The following EP400 variants were observed in gnomAD, a reference collection of about 807,000 sequenced individuals.
EP400 encodes the protein E1A binding protein p400, also known as E1A-binding protein p400.
Under a neutral mutation model 354.1 loss-of-function variants are expected in EP400, and 105 were observed. The ratio of observed to expected loss-of-function variants is 0.30; its 90% CI spans 0.25 to 0.35. The LOEUF (loss-of-function observed/expected upper bound fraction) is 0.35, where lower values mean the gene tolerates loss of function less well. EP400 is among the 10% of genes least tolerant of loss of function. The pLI is 1.00. For synonymous variants in EP400, 1,646 were observed against 1,716.9 expected (o/e 0.96, Z 1.02); for missense variants, 3,280 against 4,121.0 (o/e 0.80, Z 5.59).
At chr12:132,022,976 A>C (rs910487243) in intron 23 of EP400, among the ~76,000 whole-genome samples, 3 of 152,134 alleles carry the variant, frequency 2.0e-5, no homozygotes, top group Non-Finnish European at 2.9e-5. Context: ...GATTTTGAAG[A>C]GTTATGGGTG....
intron 48 of EP400, chr12:132,065,921 C>T (rs1390097377): frequency 6.6e-6 from 1 of 152,154 alleles, no homozygotes; most frequent in Non-Finnish European, 1.5e-5. Flanking sequence ...AATGTGCACG[C>T]TTATTTAACT....
chr12:131,973,956 T>G (rs1299516706), intron 2 of EP400, among the ~76,000 whole-genome samples: 4 of 152,118 alleles, frequency 2.6e-5, no homozygotes, highest in Non-Finnish European at 5.9e-5. Flanking sequence ...ACCCAACTGT[T>G]GTTTCTTACG....
chr12:132,031,897 A>G lies in EP400; in HGVS notation c.5755-56A>G, dbSNP rs1228789236. On this transcript the variant is annotated intron_variant, in intron 29 of 52. Transcript: ENST00000389561. The stretch of plus-strand genomic sequence containing the variant: ...TAATTAATAAATGTTGAAACGTGTC[A>G]AAGGTTTCCCAACATTTTCCAAGAA... 8 of 1,531,144 alleles carry G rather than the reference A, an allele frequency of 5.2e-6. No individual in the cohort carries two copies. The East Asian group carries it at 1.8e-4, about 35-fold the overall frequency. The allele number at this position is 1,531,144 out of a possible 1,614,324, so 94.8% of individuals were successfully genotyped here. A position where few individuals can be genotyped will look rare whatever the true frequency, so the allele number is the denominator to read the frequency against.
Position 131,994,619 on chromosome 12 carries a change from A to G in EP400, c.2738-248A>G, listed in dbSNP as rs995637420. Among the ~76,000 whole-genome samples the G allele has an allele frequency of 1.3e-5, 2 of 152,108 alleles. No homozygotes were observed. The highest frequency in any genetic ancestry group is 2.4e-5 in the African/African-American group (1 of 41,420). The stretch of plus-strand genomic sequence containing the variant: ...GGTAGGAGGGTTGACAGCATTCCGT[A>G]TGTTGGCCTGAAGAAGGTCTGCCAT... On this transcript the variant is annotated intron_variant, in intron 11 of 52. Transcript: ENST00000389561. The surrounding 1 kb of genome is among the most constrained non-coding windows in gnomAD (Gnocchi z 4.6).
chr12:132,048,498 T>C (rs1220543270), intron 39 of EP400, among the ~76,000 whole-genome samples: 1 of 151,268 alleles, frequency 6.6e-6, no homozygotes, highest in African/African-American at 2.4e-5. Flanking sequence ...AAGGCAAAAA[T>C]ATTTGTAAAG....
chr12:132,046,057 G>A (rs762198062), intron 39 of EP400, among the ~76,000 whole-genome samples, 157 bp downstream of exon 39: 1 of 152,228 alleles, frequency 6.6e-6, no homozygotes, highest in Non-Finnish European at 1.5e-5. Context: ...GGTGGACCCA[G>A]CGAGGTCAGG....
At chr12:132,014,330 G>T (rs903599110) in intron 19 of EP400, among the ~76,000 whole-genome samples, 1 of 152,230 alleles carries the variant, frequency 6.6e-6, no homozygotes, top group Non-Finnish European at 1.5e-5. Context: ...TGGTGTCTGT[G>T]GCGCAATGAG....
intron 1 of EP400, among the ~76,000 whole-genome samples, chr12:131,959,263 A>G (rs1004179719): frequency 6.6e-6 from 1 of 152,062 alleles, no homozygotes; most frequent in African/African-American, 2.4e-5. Flanking sequence ...ACAGTGTCCA[A>G]CCTCTCCTCT....
rs1565929073 is a variant in EP400 at position 132,050,494 on chromosome 12, T to G, written c.7337+35T>G. The G allele has an allele frequency of 4.3e-6, 7 of 1,613,750 alleles. No individual in the cohort carries two copies. The highest frequency in any genetic ancestry group is 5.9e-6 in the Non-Finnish European group (7 of 1,179,624). ...CTGAGTGCTCATTTTATGTTCATTA[T>G]GACTGAGTAGATTGCGTGAAGCTTG... is the stretch of plus-strand genomic sequence containing the variant. On this transcript the variant is annotated intron_variant, in intron 40 of 52. Transcript: ENST00000389561. This position sits in a 1 kb window ranked among gnomAD's most constrained non-coding sequence, Gnocchi z 4.8.
In EP400 at chr12:131,987,770, G is replaced by T; in HGVS notation, c.2289G>T (p.Leu763=). 1 of 1,612,392 alleles carries T rather than the reference G, an allele frequency of 6.2e-7. No homozygotes were observed. The highest frequency in any genetic ancestry group is 8.5e-7 in the Non-Finnish European group (1 of 1,179,806). The part of the protein sequence containing the change: ...RKAGLWSQRR[L]PKLQEAPRPK... ...CAGGTCTGTGGTCCCAGAGGCGTCT[G>T]CCAAAGCTGCAGGAGGCCCCACGCC... Residue 763 remains leucine (L), a synonymous_variant, in exon 7 of 53, where the codon CTG becomes CTT. Transcript: ENST00000389561.
intron 2 of EP400, among the ~76,000 whole-genome samples, chr12:131,971,518 A>G (rs542538692): frequency 6.6e-6 from 1 of 152,270 alleles, no homozygotes; most frequent in Non-Finnish European, 1.5e-5. Context: ...TTGCTGGATC[A>G]TATGTTCATT....
chr12:131,981,389 C>A, intron 3 of EP400, 100 bp from the exon 4 acceptor site: 1 of 871,010 alleles, frequency 1.1e-6, no homozygotes, highest in African/African-American at 1.7e-5. Flanking sequence ...TATAGAAAGG[C>A]CTCCCTTTTC....
At position 132,043,699 on chromosome 12, in the gene EP400, A is replaced by G. The variant is rs558068965; in HGVS notation, c.6421A>G (p.Ile2141Val). 8.7e-6 allele frequency: 14 copies of G among 1,611,542 alleles called. No individual in the cohort carries two copies. The East Asian group carries it at 1.1e-4, about 13-fold the overall frequency. ...LNYLELFHTS[I>V]EQEKERNSED... ...TTACCTGGAATTATTCCATACTTCT[A>G]TTGAGCAAGAAAAGGAGAGAAACAG... The change falls in exon 34 of 53, where the codon ATT (isoleucine) becomes GTT (valine). Residue 2141 changes from isoleucine (I) to valine (V), a missense_variant. Transcript: ENST00000389561.
chr12:132,039,893 C>G (rs923515372), intron 32 of EP400, among the ~76,000 whole-genome samples: 3 of 152,160 alleles, frequency 2.0e-5, no homozygotes, highest in African/African-American at 7.2e-5. Flanking sequence ...ATTTTGAAAA[C>G]TAGGAGTGTG....
chr12:132,016,357 C>CT (rs971352716), intron 19 of EP400, among the ~76,000 whole-genome samples: 12 of 151,596 alleles, frequency 7.9e-5, no homozygotes, highest in Non-Finnish European at 1.3e-4. Context: ...AGCCCTCCTG[C>CT]TTTTTTTTTC....
intron 37 of EP400, 76 bp downstream of exon 37, chr12:132,045,029 C>A: frequency 7.5e-7 from 1 of 1,332,346 alleles, no homozygotes; most frequent in South Asian, 1.4e-5. Context: ...CCACTTTCTG[C>A]TGTCTGCCTG....
In EP400 at chr12:131,963,918, G is replaced by C. The variant is rs138686809; in HGVS notation, c.1335+1964G>C. Among the ~76,000 whole-genome samples the C allele has an allele frequency of 4.3e-4, 65 of 152,250 alleles. 1 individual carries two copies. The highest frequency in any genetic ancestry group is 1.4e-3 in the African/African-American group (60 of 41,538). On this transcript the variant is annotated intron_variant, in intron 2 of 52. Transcript: ENST00000389561. ...CATCTAATAGTCCTGTTGAATGTAT[G>C]CTCAGGATTCCTTGTGTGCTGTGTT...
In EP400 at chr12:132,054,067, T is replaced by C. The variant is rs565493809; in HGVS notation, c.7728+470T>C. Reference sequence around the variant, plus strand: ...GCTGTAAAGCACACAAGAAGCATTGTGAAAAGAAAGGCAGGGTGCGGAGCT... The same window carrying C: ...GCTGTAAAGCACACAAGAAGCATTGCGAAAAGAAAGGCAGGGTGCGGAGCT... On this transcript the variant is annotated intron_variant, in intron 43 of 52. Coordinates refer to ENST00000389561, the MANE Select transcript of EP400 (RefSeq NM_015409.5). This position sits in a 1 kb window ranked among gnomAD's most constrained non-coding sequence, Gnocchi z 4.0. 2.1e-3 allele frequency among the ~76,000 whole-genome samples: 320 copies of C among 152,228 alleles called. 1 individual carries two copies. The highest frequency in any genetic ancestry group is 2.6e-3 in the Non-Finnish European group (180 of 68,006).
In EP400 at chr12:132,075,677, C is replaced by T. The variant is rs554297320; in HGVS notation, c.9022-839C>T. On this transcript the variant is annotated intron_variant, in intron 51 of 52. Transcript: ENST00000389561. The surrounding 1 kb of genome is among the most constrained non-coding windows in gnomAD (Gnocchi z 4.5). ...TTTTAGTAAGGACTAACATTTATTTCGACCTTTGTTCATGTGTGAGTAAAT... is the reference window on the plus strand; with the variant it reads ...TTTTAGTAAGGACTAACATTTATTTTGACCTTTGTTCATGTGTGAGTAAAT... 3.9e-5 allele frequency: 6 copies of T among 152,320 alleles called. No homozygotes were observed. The highest frequency in any genetic ancestry group is 7.4e-5 in the Non-Finnish European group (5 of 68,026). The allele number at this position is 152,320 out of a possible 1,614,324, so 9.4% of individuals were successfully genotyped here. A position where few individuals can be genotyped will look rare whatever the true frequency, so the allele number is the denominator to read the frequency against.
Sources: allele counts gnomAD v4.1 joint callset (sites outside exome capture counted in the v4.1 genomes callset), GRCh38; gene constraint gnomAD v4.1.1; non-coding constraint Gnocchi (gnomAD v3.1); transcripts MANE v1.5; gene names NCBI Gene and HGNC (gene_info 2026-07-23, HGNC 2026-07-21).